The following PCDHGB5 variants were observed in gnomAD, a reference collection of about 807,000 sequenced individuals.
PCDHGB5 encodes the protein protocadherin gamma subfamily B, 5.
Under a neutral mutation model 62.9 loss-of-function variants are expected in PCDHGB5, and 48 were observed. The observed-to-expected ratio is 0.76, with a 90% confidence interval of 0.61 to 0.97. The LOEUF is 0.97. PCDHGB5 is among the 50% of genes least tolerant of loss of function. PCDHGB5 has a pLI of 0.00. For synonymous variants in PCDHGB5, 474 were observed against 511.2 expected (o/e 0.93, Z 0.98); for missense variants, 1,118 against 1,198.6 (o/e 0.93, Z 0.99).
chr5:141,400,345 A>C lies in PCDHGB5; in HGVS notation c.2218A>C (p.Ser740Arg), dbSNP rs757500171. Residue 740 changes from serine (S) to arginine (R), a missense_variant, in exon 1 of 4, where the codon AGT becomes CGT. Physicochemically the swap from Ser to Arg is moderately radical, Grantham distance 110 (BLOSUM62 -1). Transcript: ENST00000617380. ...TGGACCTGTGGTTCCCCCCAACTACAGTCAGGGGACTTTGCCTTATTCCTA... is the reference window on the plus strand; with the variant it reads ...TGGACCTGTGGTTCCCCCCAACTACCGTCAGGGGACTTTGCCTTATTCCTA... ...KSGPVVPPNY[S>R]QGTLPYSYNL... 1.9e-6 allele frequency: 3 copies of C among 1,614,040 alleles called. No homozygotes were observed. In the South Asian group the frequency reaches 3.3e-5, roughly 18 times the overall value.
At position 141,431,982 on chromosome 5, in the gene PCDHGB5, T is replaced by G. The variant is rs2097433926; in HGVS notation, c.2397+31458T>G. The G allele has an allele frequency of 6.2e-7, 1 of 1,614,212 alleles. No homozygotes were observed. Among genetic ancestry groups the G allele is most frequent in the African/African-American group, 1.3e-5 (1 of 75,056 alleles). ...AATTACTATAGTTTAGTCACAGACA[T>G]AGTCTTGGATAGGGAACAGGTTCCT... On this transcript the variant is annotated intron_variant, in intron 1 of 3. Transcript: ENST00000617380. The surrounding 1 kb of genome is among the most constrained non-coding windows in gnomAD (Gnocchi z 4.8).
chr5:141,454,128 C>T (rs988254902), intron 1 of PCDHGB5, among the ~76,000 whole-genome samples: 4 of 152,122 alleles, frequency 2.6e-5, no homozygotes, highest in African/African-American at 7.2e-5. Flanking sequence ...AATAGCTGAC[C>T]ATGGGAATGT....
At chr5:141,421,520 A>G (rs749034718) in intron 1 of PCDHGB5, 2 of 1,614,068 alleles carry the variant, frequency 1.2e-6, no homozygotes, top group Non-Finnish European at 8.5e-7. Flanking sequence ...GAGCTCTGTG[A>G]GACGGTGTCC....
Position 141,433,059 on chromosome 5 carries a change from A to G in PCDHGB5, c.2397+32535A>G, listed in dbSNP as rs745951077. 1.1e-5 allele frequency: 18 copies of G among 1,614,000 alleles called. No individual in the cohort carries two copies. In the East Asian group the frequency reaches 3.8e-4, roughly 34 times the overall value. On this transcript the variant is annotated intron_variant, in intron 1 of 3. Transcript: ENST00000617380. ...CTCACCACGGACTCGCGGAAGAGTC[A>G]CCTGATCTTCCCCCAGCCCAACTAT...
At chr5:141,422,897 A>AT (rs778069795) in intron 1 of PCDHGB5, 4 of 1,614,212 alleles carry the variant, frequency 2.5e-6, no homozygotes, top group Non-Finnish European at 3.4e-6. Flanking sequence ...CTGGACCAGA[A>AT]CGACAATGCG....
chr5:141,488,793 C>G (rs1274193018), intron 1 of PCDHGB5, among the ~76,000 whole-genome samples: 1 of 152,172 alleles, frequency 6.6e-6, no homozygotes, highest in African/African-American at 2.4e-5. Context: ...TTTGTCTTCC[C>G]TGTTGAGTAC....
intron 1 of PCDHGB5, chr5:141,419,684 G>A (rs1286646418): frequency 5.4e-5 from 87 of 1,612,770 alleles, no homozygotes; most frequent in Non-Finnish European, 7.3e-5. Flanking sequence ...CTACCACGTG[G>A]TGCAGGCCAG....
At position 141,503,509 on chromosome 5, in the gene PCDHGB5, G is replaced by A. The variant is rs373282648; in HGVS notation, c.2457-1884G>A. ...AGCTGCTCAAGAGGCTGAGGCAGGA[G>A]AATCACTTGAACCTGGGAGGCAGAG... On this transcript the variant is annotated intron_variant, in intron 2 of 3. Transcript: ENST00000617380. Among the ~76,000 whole-genome samples the A allele has an allele frequency of 9.4e-5, 14 of 149,410 alleles. No individual in the cohort carries two copies. The South Asian group carries it at 1.5e-3, about 16-fold the overall frequency.
chr5:141,438,617 TATATATATATATATATATACAC>T (rs1342425883), intron 1 of PCDHGB5, among the ~76,000 whole-genome samples: 18 of 37,162 alleles, frequency 4.8e-4, no homozygotes, highest in Admixed American at 2.0e-3. Flanking sequence ...TATATATATA[TATATATATATATATATATACAC>T]ACACACACAC....
rs1264017483 is a variant in PCDHGB5 at position 141,477,989 on chromosome 5, A to G, written c.2398-16818A>G. The G allele has an allele frequency of 5.6e-6, 9 of 1,614,086 alleles. No individual in the cohort carries two copies. The highest frequency in any genetic ancestry group is 1.6e-4 in the Middle Eastern group (1 of 6,062). On this transcript the variant is annotated intron_variant, in intron 1 of 3. Coordinates refer to ENST00000617380, the MANE Select transcript of PCDHGB5 (RefSeq NM_018925.3). The surrounding 1 kb of genome is among the most constrained non-coding windows in gnomAD (Gnocchi z 4.9). ...GAGCCTTTTTGCCATAGGGCTGCACACTGGTCAAATCAGTACTGCCCGTCC... is the reference window on the plus strand; with the variant it reads ...GAGCCTTTTTGCCATAGGGCTGCACGCTGGTCAAATCAGTACTGCCCGTCC...
chr5:141,404,174 C>A, intron 1 of PCDHGB5: 1 of 1,613,138 alleles, frequency 6.2e-7, no homozygotes, highest in Non-Finnish European at 8.5e-7. Flanking sequence ...GTTGACGGCC[C>A]AAATTCTTGA....
intron 1 of PCDHGB5, among the ~76,000 whole-genome samples, chr5:141,402,221 G>A (rs567791316): frequency 1.3e-5 from 2 of 151,942 alleles, no homozygotes; most frequent in Admixed American, 6.5e-5. Context: ...TAAAATAAAC[G>A]TTTTTCCAGG....
At chr5:141,403,136 C>G in intron 1 of PCDHGB5, 1 of 1,614,006 alleles carries the variant, frequency 6.2e-7, no homozygotes. Flanking sequence ...GCTGGCGGAG[C>G]GCCGAGTCCG....
rs768559201 is a variant in PCDHGB5, at chr5:141,431,344, G to A, written c.2397+30820G>A. Reference sequence around the variant, plus strand: ...ACGGTAGTAAGTACCCCGAATTGGTGCTGAAACGCGCCCTGGACCGCGAAG... The same window carrying A: ...ACGGTAGTAAGTACCCCGAATTGGTACTGAAACGCGCCCTGGACCGCGAAG... On this transcript the variant is annotated intron_variant, in intron 1 of 3. Coordinates refer to ENST00000617380, the MANE Select transcript of PCDHGB5 (RefSeq NM_018925.3). The surrounding 1 kb of genome is among the most constrained non-coding windows in gnomAD (Gnocchi z 4.8). 3.9e-5 allele frequency: 63 copies of A among 1,614,078 alleles called. No homozygotes were observed. Among genetic ancestry groups the A allele is most frequent in the Non-Finnish European group, 5.0e-5 (59 of 1,180,044 alleles).
At chr5:141,501,510 T>A (rs11744379) in intron 2 of PCDHGB5, among the ~76,000 whole-genome samples, 1 of 151,824 alleles carries the variant, frequency 6.6e-6, no homozygotes, top group African/African-American at 2.4e-5. Flanking sequence ...CTCCAAGGCC[T>A]CCAAGCTGAA....
chr5:141,427,320 G>A (rs920149276), intron 1 of PCDHGB5: 5 of 456,968 alleles, frequency 1.1e-5, no homozygotes, highest in Non-Finnish European at 1.8e-5. Context: ...CCCAGACGTG[G>A]TTTTTACTTC....
rs754835805 is a variant in PCDHGB5 at position 141,415,008 on chromosome 5, T to C, written c.2397+14484T>C. ...GCCAGAACGCCTGGCTGTCCTACCGTCTGCTCAAGGCCAGCGAGCCGGGAC... is the reference window on the plus strand; with the variant it reads ...GCCAGAACGCCTGGCTGTCCTACCGCCTGCTCAAGGCCAGCGAGCCGGGAC... On this transcript the variant is annotated intron_variant, in intron 1 of 3. Transcript: ENST00000617380. 3.1e-6 allele frequency: 5 copies of C among 1,613,636 alleles called. No individual in the cohort carries two copies. The South Asian group carries it at 3.3e-5, about 11-fold the overall frequency.
chr5:141,414,648 T>G (rs2095770464), intron 1 of PCDHGB5: 2 of 1,613,844 alleles, frequency 1.2e-6, no homozygotes, highest in Non-Finnish European at 1.7e-6. Context: ...ATGCCCAGAT[T>G]ATTTACTCCC....
chr5:141,433,823 G>T (rs555746621), intron 1 of PCDHGB5, among the ~76,000 whole-genome samples: 2 of 144,288 alleles, frequency 1.4e-5, no homozygotes, highest in Non-Finnish European at 3.0e-5. Context: ...GGCAACAAGA[G>T]TGAAACTCTA....
Sources: allele counts gnomAD v4.1 joint callset (sites outside exome capture counted in the v4.1 genomes callset), GRCh38; gene constraint gnomAD v4.1.1; non-coding constraint Gnocchi (gnomAD v3.1); transcripts MANE v1.5; gene names NCBI Gene and HGNC (gene_info 2026-07-23, HGNC 2026-07-21).